Variants in CFAP298 observed in about 807,000 individuals in gnomAD.
CFAP298 encodes the protein cilia- and flagella-associated protein 298.
CFAP298 carries 38 observed loss-of-function variants against 41.0 expected under a neutral mutation model. The ratio of observed to expected loss-of-function variants is 0.93; its 90% CI spans 0.72 to 1.22. The LOEUF (loss-of-function observed/expected upper bound fraction) is 1.22. Ranked by LOEUF, CFAP298 falls within the 50% of genes most tolerant of loss-of-function variation. CFAP298 has a pLI of 0.00. For synonymous variants in CFAP298, 137 were observed against 135.3 expected, an observed-to-expected ratio of 1.01 and a Z score of -0.09; for missense variants, 348 against 360.3, an observed-to-expected ratio of 0.97 and a Z score of 0.28.
rs1302542879 is a variant in CFAP298 at position 32,601,642 on chromosome 21, T to A, written c.*221A>T. ...AAGAAAACCATGACATACTAAATAG[T>A]CCTGAAACAAAAACGATTTACACAT... On this transcript the variant is annotated 3_prime_UTR_variant, in exon 7 of 7. Transcript: ENST00000290155. 1.1e-5 allele frequency: 5 copies of A among 470,416 alleles called. No individual in the cohort carries two copies. Among genetic ancestry groups the A allele is most frequent in the Non-Finnish European group, 1.9e-5 (5 of 263,592 alleles). The allele number at this position is 470,416 out of a possible 1,614,324, so 29.1% of individuals were successfully genotyped here.
At chr21:32,606,963 A>G (rs755785493) in intron 3 of CFAP298, among the ~76,000 whole-genome samples, 48 of 152,368 alleles carry the variant, frequency 3.2e-4, no homozygotes, top group Admixed American at 1.2e-3. Context: ...TATCAAATAC[A>G]TATTAAGTCA....
rs140986492 is a variant in CFAP298, at chr21:32,609,928, A to G, written c.217T>C (p.Leu73=). Residue 73 remains leucine (L), a synonymous_variant, in exon 2 of 7, where the codon TTG becomes CTG. Coordinates refer to ENST00000290155, the MANE Select transcript of CFAP298 (RefSeq NM_021254.4). ...TCACCCCATTCATCCTTCAATTTCA[A>G]TTCTTCAATCTGATCATCGGTCAGT... is the stretch of plus-strand genomic sequence containing the variant. ...QGLTDDQIEE[L]KLKDEWGEKC... 43 of 1,614,104 alleles carry G rather than the reference A, an allele frequency of 2.7e-5. No homozygotes were observed. The South Asian group carries it at 3.7e-4, about 14-fold the overall frequency.
chr21:32,607,071 C>T (rs867962391), intron 3 of CFAP298, among the ~76,000 whole-genome samples: 2 of 152,164 alleles, frequency 1.3e-5, no homozygotes, highest in South Asian at 2.1e-4. Context: ...ATGAAATCAA[C>T]ATTTGTATTA....
Position 32,600,715 on chromosome 21 carries a change from T to A in CFAP298, c.*1148A>T, listed in dbSNP as rs574508828. Among the ~76,000 whole-genome samples, 13 of 152,322 alleles carry A rather than the reference T, an allele frequency of 8.5e-5. No homozygotes were observed. In the South Asian group the frequency reaches 2.7e-3, roughly 32 times the overall value. Reference sequence around the variant, plus strand: ...AGATACTCAGTTAGGATGATAGTGATCCCATCCATCCCGTGGTTGGTCACT... The same window carrying A: ...AGATACTCAGTTAGGATGATAGTGAACCCATCCATCCCGTGGTTGGTCACT... On this transcript the variant is annotated 3_prime_UTR_variant, in exon 7 of 7. Transcript: ENST00000290155.
chr21:32,608,743 T>C (rs1385921433), intron 2 of CFAP298, among the ~76,000 whole-genome samples: 2 of 151,970 alleles, frequency 1.3e-5, no homozygotes, highest in Non-Finnish European at 2.9e-5. Context: ...TGTTAACTGG[T>C]TCTCATATTT....
Position 32,601,038 on chromosome 21 carries a change from G to C in CFAP298, c.*825C>G, listed in dbSNP as rs1042367051. Among the ~76,000 whole-genome samples the C allele has an allele frequency of 1.8e-4, 27 of 150,804 alleles. No homozygotes were observed. Among genetic ancestry groups the C allele is most frequent in the Middle Eastern group, 3.4e-3 (1 of 292 alleles). On this transcript the variant is annotated 3_prime_UTR_variant, in exon 7 of 7. Coordinates refer to ENST00000290155, the MANE Select transcript of CFAP298 (RefSeq NM_021254.4). ...AGTTAGACCCCGCAGCAGGGTTAAA[G>C]AAGGCTACAGTTAGACCCCGCAGCA...
Position 32,612,237 on chromosome 21 carries a change from G to A in CFAP298, c.7C>T (p.Leu3=). The part of the protein sequence containing the change: MV[L]LHVKRGDESQ... ...TCGTCGCCCCGCTTCACGTGCAGCAGAACCATGGCGGTCCCGCCGAGGTAC... is the reference window on the plus strand; with the variant it reads ...TCGTCGCCCCGCTTCACGTGCAGCAAAACCATGGCGGTCCCGCCGAGGTAC... The change falls in exon 1 of 7, where the codon CTG becomes TTG. Residue 3 remains leucine, a synonymous_variant. Coordinates refer to ENST00000290155, the MANE Select transcript of CFAP298 (RefSeq NM_021254.4). 5 of 1,605,170 alleles carry A rather than the reference G, an allele frequency of 3.1e-6. No individual in the cohort carries two copies. Among genetic ancestry groups the A allele is most frequent in the Non-Finnish European group, 4.3e-6 (5 of 1,175,522 alleles).
chr21:32,603,994 G>T, intron 4 of CFAP298, 131 bp downstream of exon 4: 1 of 865,012 alleles, frequency 1.2e-6, no homozygotes, highest in Non-Finnish European at 1.8e-6. Flanking sequence ...ACTCTGCTCT[G>T]AAGCAGGGCA....
At position 32,599,784 on chromosome 21, in the gene CFAP298, G is replaced by A. The variant is rs190707203; in HGVS notation, c.*2079C>T. Among the ~76,000 whole-genome samples the A allele has an allele frequency of 1.9e-3, 288 of 152,300 alleles. No individual in the cohort carries two copies. The highest frequency in any genetic ancestry group is 6.6e-3 in the African/African-American group (273 of 41,552). The stretch of plus-strand genomic sequence containing the variant: ...GATGGCTTGCAAATAAGCTACTCAC[G>A]TACTTCCTGAGATCTGCTGCACCCA... On this transcript the variant is annotated 3_prime_UTR_variant, in exon 7 of 7. Transcript: ENST00000290155.
At chr21:32,603,791 C>T (rs1359521050) in intron 4 of CFAP298, among the ~76,000 whole-genome samples, 1 of 152,138 alleles carries the variant, frequency 6.6e-6, no homozygotes, top group African/African-American at 2.4e-5. Flanking sequence ...AATTTCCATG[C>T]AAAGGGACTG....
At chr21:32,610,377 G>T (rs1026367749) in intron 1 of CFAP298, among the ~76,000 whole-genome samples, 1 of 152,078 alleles carries the variant, frequency 6.6e-6, no homozygotes, top group African/African-American at 2.4e-5. Flanking sequence ...ACCACGTTTT[G>T]TATTTTTAGT....
intron 1 of CFAP298, among the ~76,000 whole-genome samples, chr21:32,611,188 C>G (rs2038983036): frequency 6.6e-6 from 1 of 150,952 alleles, no homozygotes; most frequent in African/African-American, 2.5e-5. Flanking sequence ...CCTGTAATCT[C>G]AGATACTTGG....
chr21:32,603,086 G>C lies in CFAP298; in HGVS notation c.666+75C>G, dbSNP rs1186327231. 2.0e-6 allele frequency: 3 copies of C among 1,536,950 alleles called. No individual in the cohort carries two copies. The South Asian group carries it at 3.4e-5, about 17-fold the overall frequency. On this transcript the variant is annotated intron_variant, in intron 5 of 6. Transcript: ENST00000290155. Reference sequence around the variant, plus strand: ...TTGTACCAGTAGTTTAAATCTTTCGGATTCACTGTACATTTTTATCAGTTT... The same window carrying C: ...TTGTACCAGTAGTTTAAATCTTTCGCATTCACTGTACATTTTTATCAGTTT...
At chr21:32,608,072 G>T (rs111330818) in intron 2 of CFAP298, among the ~76,000 whole-genome samples, 1 of 152,146 alleles carries the variant, frequency 6.6e-6, no homozygotes, top group African/African-American at 2.4e-5. Context: ...GCTCTGCCAC[G>T]TAGCACAAGA....
At position 32,602,320 on chromosome 21, in the gene CFAP298, C is replaced by T. The variant is rs139494282; in HGVS notation, c.714G>A (p.Glu238=). ...PAREPIISSE[E]QKQLMLYYHR... Reference sequence around the variant, plus strand: ...GATAGTACAGCATCAGCTGCTTCTGCTCCTCACTGCTAATAATAGGCTCTC... The same window carrying T: ...GATAGTACAGCATCAGCTGCTTCTGTTCCTCACTGCTAATAATAGGCTCTC... The change falls in exon 6 of 7, where the codon GAG becomes GAA. Residue 238 remains glutamate, a synonymous_variant. Coordinates refer to ENST00000290155, the MANE Select transcript of CFAP298 (RefSeq NM_021254.4). 5 of 1,613,880 alleles carry T rather than the reference C, an allele frequency of 3.1e-6. No individual in the cohort carries two copies. Among genetic ancestry groups the T allele is most frequent in the Admixed American group, 1.7e-5 (1 of 60,014 alleles).
intron 3 of CFAP298, 116 bp from the exon 4 acceptor site, chr21:32,604,399 C>A (rs2038821763): frequency 5.9e-6 from 7 of 1,188,660 alleles, no homozygotes; most frequent in Non-Finnish European, 7.3e-6. Context: ...AGAAATCAAA[C>A]AGTTCTTGCT....
rs990901874 is a variant in CFAP298, at chr21:32,601,927, G to A, written c.809C>T (p.Ala270Val). Residue 270 changes from alanine (A) to valine (V), a missense_variant, in exon 7 of 7, where the codon GCG becomes GTG. Coordinates refer to ENST00000290155, the MANE Select transcript of CFAP298 (RefSeq NM_021254.4). ...ATGTCTTTTCAAAGCAGTGTTATCC[G>A]CCCATGGTGAGTTTAAATAGGCATC... The part of the protein sequence containing the change: ...DDDAYLNSPW[A>V]DNTALKRHFH... 1.4e-5 allele frequency: 23 copies of A among 1,612,524 alleles called. 1 individual carries two copies. The African/African-American group carries it at 1.7e-4, about 12-fold the overall frequency.
chr21:32,611,139 A>C lies in CFAP298; in HGVS notation c.139+966T>G, dbSNP rs571603146. ...GCCAACATGATGAAACCCCGTGTCC[A>C]CTAAAGATACAAATATTAGCTGGGC... On this transcript the variant is annotated intron_variant, in intron 1 of 6. Transcript: ENST00000290155. 1.1e-3 allele frequency among the ~76,000 whole-genome samples: 164 copies of C among 151,656 alleles called. 1 individual carries two copies. The highest frequency in any genetic ancestry group is 1.5e-3 in the Non-Finnish European group (102 of 67,962).
At chr21:32,608,224 CAAA>C (rs751998741) in intron 2 of CFAP298, among the ~76,000 whole-genome samples, 19 of 93,938 alleles carry the variant, frequency 2.0e-4, no homozygotes, top group East Asian at 2.6e-4. Context: ...GCTTAGAAGC[CAAA>C]AAAAAAAAAA....
Sources: gnomAD v4.1 joint callset for allele counts (sites outside exome capture counted in the v4.1 genomes callset) on GRCh38, gnomAD v4.1.1 for gene constraint, MANE v1.5 for transcripts, NCBI Gene and HGNC (gene_info 2026-07-23, HGNC 2026-07-21) for gene names.